RUFY1: variants seen among roughly 807,000 people sequenced by gnomAD.
RUFY1 encodes the protein RUN and FYVE domain containing 1, also known as RUN and FYVE domain-containing protein 1.
RUFY1 carries 54 observed loss-of-function variants against 94.6 expected under a neutral mutation model. The ratio of observed to expected loss-of-function variants is 0.57; its 90% CI spans 0.46 to 0.72. The LOEUF (loss-of-function observed/expected upper bound fraction) is 0.72. Ranked by LOEUF, RUFY1 falls within the 30% of genes least tolerant of loss-of-function variation. The pLI is 0.00. For synonymous variants in RUFY1, 396 were observed against 347.3 expected, an observed-to-expected ratio of 1.14 and a Z score of -1.56; for missense variants, 883 against 883.9, an observed-to-expected ratio of 1.00 and a Z score of 0.01.
At chr5:179,585,914 T>C in intron 8 of RUFY1, 49 bp downstream of exon 8, 1 of 1,441,634 alleles carries the variant, frequency 6.9e-7, no homozygotes, top group Non-Finnish European at 9.8e-7. Flanking sequence ...TGACCCAAGG[T>C]TAAGAGAATC....
At chr5:179,579,911 T>G (rs1763983803) in intron 6 of RUFY1, among the ~76,000 whole-genome samples, 1 of 151,600 alleles carries the variant, frequency 6.6e-6, no homozygotes, top group Non-Finnish European at 1.5e-5. Flanking sequence ...TCAGGTGATC[T>G]GCCCACCTCG....
intron 12 of RUFY1, among the ~76,000 whole-genome samples, 156 bp downstream of exon 12, chr5:179,595,119 G>A (rs914657544): frequency 3.9e-5 from 6 of 152,054 alleles, no homozygotes; most frequent in Admixed American, 3.3e-4. Flanking sequence ...GACGCGGGAG[G>A]ATCACTTAAG....
chr5:179,582,130 C>G (rs1176524367), intron 7 of RUFY1, among the ~76,000 whole-genome samples: 1 of 152,030 alleles, frequency 6.6e-6, no homozygotes, highest in Non-Finnish European at 1.5e-5. Context: ...TGGTTTTCAT[C>G]CCATAATCTA....
chr5:179,601,920 C>T lies in RUFY1; in HGVS notation c.1790C>T (p.Ala597Val), dbSNP rs924660555. ...KELRELQDEK[A>V]ELQKICEEQE... ...TTGCGGGAGCTTCAGGACGAGAAGG[C>T]AGAGCTGCAGAAGATCTGCGAGGAG... is the stretch of plus-strand genomic sequence containing the variant. The change falls in exon 15 of 18, where the codon GCA becomes GTA. Residue 597 changes from alanine to valine, a missense_variant. Ala to Val is a moderately conservative substitution (Grantham distance 64). Coordinates refer to ENST00000319449, the MANE Select transcript of RUFY1 (RefSeq NM_025158.5). 1.9e-6 allele frequency: 3 copies of T among 1,613,002 alleles called. No homozygotes were observed. The highest frequency in any genetic ancestry group is 2.7e-5 in the African/African-American group (2 of 74,628).
intron 16 of RUFY1, 31 bp from the exon 17 acceptor site, chr5:179,607,551 A>G (rs748459209): frequency 1.2e-6 from 2 of 1,604,316 alleles, no homozygotes; most frequent in Non-Finnish European, 1.7e-6. Flanking sequence ...TTAGACAGAA[A>G]GTGGATTCTA....
At chr5:179,586,222 C>A in intron 8 of RUFY1, 1 of 433,212 alleles carries the variant, frequency 2.3e-6, no homozygotes, top group Non-Finnish European at 4.6e-6. Context: ...CCCCAGAAAG[C>A]ACAGACTCTG....
chr5:179,561,183 C>A (rs1762424146), intron 2 of RUFY1, among the ~76,000 whole-genome samples: 1 of 151,948 alleles, frequency 6.6e-6, no homozygotes, highest in South Asian at 2.1e-4. Context: ...TGCACTCCAA[C>A]CAAGGCTACA....
chr5:179,551,552 T>C (rs1761852514), intron 1 of RUFY1, among the ~76,000 whole-genome samples: 1 of 151,930 alleles, frequency 6.6e-6, no homozygotes, highest in African/African-American at 2.4e-5. Flanking sequence ...AGTGCAGTGG[T>C]GCGATCTCGG....
chr5:179,591,790 T>A (rs750536760), intron 10 of RUFY1, 49 bp downstream of exon 10: 1 of 1,075,026 alleles, frequency 9.3e-7, no homozygotes, highest in Non-Finnish European at 1.4e-6. Flanking sequence ...CCCGTAGTGT[T>A]AATTCTGTCA....
chr5:179,590,451 T>A (rs1764971704), intron 9 of RUFY1, among the ~76,000 whole-genome samples: 1 of 152,158 alleles, frequency 6.6e-6, no homozygotes, highest in Non-Finnish European at 1.5e-5. Context: ...ATGAGGGTTT[T>A]TCCTGCGAAT....
At chr5:179,599,930 T>A (rs1766167309) in intron 14 of RUFY1, 3 of 152,248 alleles carry the variant, frequency 2.0e-5, no homozygotes, top group African/African-American at 7.2e-5. Context: ...GGAAAGGCCC[T>A]TTTGATTTCC....
intron 12 of RUFY1, 147 bp from the exon 13 acceptor site, chr5:179,596,415 T>G (rs1256470124): frequency 1.0e-6 from 1 of 1,002,130 alleles, no homozygotes; most frequent in Non-Finnish European, 1.6e-6. Context: ...GTATTCTGAT[T>G]GTGGTGGAGC....
intron 12 of RUFY1, 29 bp from the exon 13 acceptor site, chr5:179,596,533 A>G (rs1372580949): frequency 2.4e-5 from 38 of 1,613,486 alleles, no homozygotes; most frequent in Non-Finnish European, 3.1e-5. Flanking sequence ...GATTTGCTTC[A>G]TTTGCACTCT....
At chr5:179,593,386 T>G (rs998480328) in intron 10 of RUFY1, 92 bp from the exon 11 acceptor site, 3 of 1,453,262 alleles carry the variant, frequency 2.1e-6, no homozygotes, top group Non-Finnish European at 2.8e-6. Flanking sequence ...GCCTTCAGTT[T>G]GTATTTTAAG....
At chr5:179,579,657 C>CTTTTTTTTTTTTCTTTTTTTTTTTTTTTT (rs1763947371) in intron 6 of RUFY1, among the ~76,000 whole-genome samples, 1 of 50,548 alleles carries the variant, frequency 2.0e-5, no homozygotes, top group Non-Finnish European at 3.8e-5. Flanking sequence ...TTTTCTTCTT[C>CTTTTTTTTTTTTCTTTTTTTTTTTTTTTT]TTTTTTTTTT....
chr5:179,602,170 AC>A, intron 15 of RUFY1, 184 bp downstream of exon 15: 2 of 592,450 alleles, frequency 3.4e-6, no homozygotes, highest in Admixed American at 5.9e-5. Context: ...GATCTCTGCT[AC>A]CCACATGGGG....
intron 6 of RUFY1, among the ~76,000 whole-genome samples, chr5:179,577,843 A>G (rs1030898124): frequency 2.5e-5 from 3 of 118,386 alleles, no homozygotes; most frequent in Admixed American, 9.9e-5. Flanking sequence ...ACGGGTAATG[A>G]GGCTCTTCTC....
intron 1 of RUFY1, chr5:179,559,566 A>G (rs187362486): frequency 5.9e-4 from 408 of 694,926 alleles, no homozygotes; most frequent in Middle Eastern, 1.5e-3. Flanking sequence ...GGCGCCCACC[A>G]GCTCCGTAGG....
intron 1 of RUFY1, among the ~76,000 whole-genome samples, chr5:179,557,174 A>G (rs1762151874): frequency 6.6e-6 from 1 of 152,158 alleles, no homozygotes; most frequent in Non-Finnish European, 1.5e-5. Context: ...CATGCCTGTA[A>G]TCCCAGCACT....
Sources: allele counts gnomAD v4.1 joint callset (sites outside exome capture counted in the v4.1 genomes callset), GRCh38; gene constraint gnomAD v4.1.1; transcripts MANE v1.5; gene names NCBI Gene and HGNC (gene_info 2026-07-23, HGNC 2026-07-21).